KAZN: variants seen among roughly 807,000 people sequenced by gnomAD.
The protein encoded by KAZN is kazrin, periplakin interacting protein.
A neutral mutation model predicts 87.4 loss-of-function variants in KAZN; 40 were observed. The observed-to-expected ratio is 0.46, with a 90% CI of 0.36 to 0.60. The LOEUF is 0.60. Ranked by LOEUF, KAZN falls within the 20% of genes least tolerant of loss-of-function variation. The pLI is 0.00. For synonymous variants in KAZN, 466 were observed against 458.3 expected, an observed-to-expected ratio of 1.02 and a Z score of -0.22; for missense variants, 898 against 1,073.9, an observed-to-expected ratio of 0.84 and a Z score of 2.29.
intron 2 of KAZN, among the ~76,000 whole-genome samples, chr1:14,383,232 T>C (rs1257494594): frequency 6.6e-6 from 1 of 151,216 alleles, no homozygotes; most frequent in Non-Finnish European, 1.5e-5. Context: ...GTCAGATGAG[T>C]AGGTTGTGAA....
chr1:14,927,587 C>T lies in KAZN; in HGVS notation c.227-33097C>T, dbSNP rs1434644271. 5.9e-5 allele frequency among the ~76,000 whole-genome samples: 9 copies of T among 152,120 alleles called. No homozygotes were observed. The South Asian group carries it at 1.2e-3, about 21-fold the overall frequency. ...AGTTTCTAAGGCAAGAGGGTGTTGC[C>T]GATCAGCTAAAGGAACTAAGCCATT... On this transcript the variant is annotated intron_variant, in intron 1 of 14. Transcript: ENST00000376030.
intron 6 of KAZN, chr1:15,061,901 C>G (rs1638828445): frequency 6.6e-6 from 1 of 152,216 alleles, no homozygotes. Context: ...GTGACAAAGT[C>G]TATCTTGACT....
chr1:14,001,110 T>A (rs1639772620), intron 1 of KAZN, among the ~76,000 whole-genome samples: 1 of 152,154 alleles, frequency 6.6e-6, no homozygotes, highest in South Asian at 2.1e-4. Flanking sequence ...GAAAACCCCA[T>A]CATCTCAGCC....
chr1:14,714,329 A>G (rs184150491), intron 1 of KAZN, among the ~76,000 whole-genome samples: 7 of 152,246 alleles, frequency 4.6e-5, no homozygotes, highest in African/African-American at 1.4e-4. Context: ...CTTGTTCTCA[A>G]TTAGCTGGAT....
In KAZN at chr1:14,361,829, T is replaced by C. The variant is rs189847713; in HGVS notation, c.249+181237T>C. Among the ~76,000 whole-genome samples, 29 of 152,334 alleles carry C rather than the reference T, an allele frequency of 1.9e-4. 1 individual carries two copies. Among genetic ancestry groups the C allele is most frequent in the African/African-American group, 7.0e-4 (29 of 41,576 alleles). ...AGCTGCAGACCAGAGTTGTTCCTAT[T>C]CGGCCATCTTGAGTCATTTACCCGT... is the stretch of plus-strand genomic sequence containing the variant. On this transcript the variant is annotated intron_variant, in intron 2 of 16. Transcript: ENST00000636203.
intron 2 of KAZN, among the ~76,000 whole-genome samples, chr1:14,587,221 A>G (rs962216279): frequency 1.3e-5 from 2 of 152,100 alleles, no homozygotes; most frequent in African/African-American, 4.8e-5. Context: ...GGATCATCTG[A>G]TATCAGGAGT....
chr1:14,890,232 T>C (rs1654552088), intron 1 of KAZN, among the ~76,000 whole-genome samples: 1 of 152,204 alleles, frequency 6.6e-6, no homozygotes, highest in Admixed American at 6.5e-5. Flanking sequence ...GTCAAGGCAA[T>C]TGAAATTTCT....
At chr1:14,202,898 A>C (rs1646668773) in intron 2 of KAZN, among the ~76,000 whole-genome samples, 2 of 152,028 alleles carry the variant, frequency 1.3e-5, no homozygotes, top group South Asian at 4.1e-4. Context: ...GGCGCCTGTA[A>C]TCCCAGCTAC....
intron 2 of KAZN, among the ~76,000 whole-genome samples, chr1:14,329,947 T>G (rs887560505): frequency 4.6e-5 from 7 of 152,216 alleles, no homozygotes; most frequent in Non-Finnish European, 7.3e-5. Context: ...AAACATGCAA[T>G]AAATAATTCC....
At chr1:15,020,231 A>G (rs920670685) in intron 2 of KAZN, among the ~76,000 whole-genome samples, 2 of 152,242 alleles carry the variant, frequency 1.3e-5, no homozygotes, top group African/African-American at 4.8e-5. Flanking sequence ...AGGGCATTGC[A>G]TATACAAAAC....
At chr1:14,796,106 C>A (rs1463465787) in intron 1 of KAZN, among the ~76,000 whole-genome samples, 1 of 152,144 alleles carries the variant, frequency 6.6e-6, no homozygotes, top group Non-Finnish European at 1.5e-5. Flanking sequence ...TGGACTTGGC[C>A]CCTCCAGTCG....
chr1:14,997,459 C>T (rs1190281115), intron 2 of KAZN, among the ~76,000 whole-genome samples: 5 of 151,958 alleles, frequency 3.3e-5, no homozygotes, highest in Admixed American at 6.6e-5. Context: ...AGGCTGGTCT[C>T]GCACTCCCGA....
rs189865726 is a variant in KAZN at position 14,939,502 on chromosome 1, G to A, written c.227-21182G>A. On this transcript the variant is annotated intron_variant, in intron 1 of 14. Transcript: ENST00000376030. ...TTGCCCAGGCTGGTCTCGAACTCCT[G>A]GTCTCAAGTGATCCTCCCACCTCAG... Among the ~76,000 whole-genome samples the A allele has an allele frequency of 2.6e-4, 39 of 152,128 alleles. No homozygotes were observed. The East Asian group carries it at 5.0e-3, about 20-fold the overall frequency.
At chr1:14,937,108 C>T (rs1430078820) in intron 1 of KAZN, among the ~76,000 whole-genome samples, 2 of 152,314 alleles carry the variant, frequency 1.3e-5, no homozygotes, top group African/African-American at 4.8e-5. Flanking sequence ...CAGTGTGCAG[C>T]CCCTCTGGGC....
intron 2 of KAZN, among the ~76,000 whole-genome samples, chr1:14,509,480 C>T (rs555340889): frequency 3.2e-4 from 49 of 152,304 alleles, no homozygotes; most frequent in Non-Finnish European, 5.7e-4. Flanking sequence ...ATGGCCTTTA[C>T]GCATGTGAAG....
intron 2 of KAZN, among the ~76,000 whole-genome samples, chr1:14,994,989 T>C (rs1269879176): frequency 6.6e-6 from 1 of 152,234 alleles, no homozygotes; most frequent in Non-Finnish European, 1.5e-5. Flanking sequence ...GATGTAGTGC[T>C]TAGCAGCGGG....
In KAZN at chr1:14,126,071, A is replaced by T. The variant is rs577579397; in HGVS notation, c.92-54364A>T. Among the ~76,000 whole-genome samples, 10 of 152,280 alleles carry T rather than the reference A, an allele frequency of 6.6e-5. No individual in the cohort carries two copies. In the South Asian group the frequency reaches 2.1e-3, roughly 32 times the overall value. On this transcript the variant is annotated intron_variant, in intron 1 of 16. Coordinates refer to the KAZN transcript ENST00000636203. Reference sequence around the variant, plus strand: ...AGGTGTATTAAGCACTGAGGGTTTCAGACTAGCCAGTGACATGATCTGGTT... The same window carrying T: ...AGGTGTATTAAGCACTGAGGGTTTCTGACTAGCCAGTGACATGATCTGGTT...
At chr1:14,277,464 G>A (rs2100701953) in intron 2 of KAZN, among the ~76,000 whole-genome samples, 1 of 152,190 alleles carries the variant, frequency 6.6e-6, no homozygotes, top group African/African-American at 2.4e-5. Context: ...AAGAGATTGA[G>A]ACCATCCTGG....
At position 14,773,299 on chromosome 1, in the gene KAZN, C is replaced by T. The variant is rs1645073066; in HGVS notation, c.226+174076C>T. ...GTGGGACTGTGGCACACAGTGGTGGCCTGGCGTATGAGAAGACCACCCCCC... is the reference window on the plus strand; with the variant it reads ...GTGGGACTGTGGCACACAGTGGTGGTCTGGCGTATGAGAAGACCACCCCCC... On this transcript the variant is annotated intron_variant, in intron 1 of 14. Transcript: ENST00000376030. This position sits in a 1 kb window ranked among gnomAD's most constrained non-coding sequence, Gnocchi z 5.9. Among the ~76,000 whole-genome samples, 1 of 152,108 alleles carries T rather than the reference C, an allele frequency of 6.6e-6. No homozygotes were observed. Among genetic ancestry groups the T allele is most frequent in the South Asian group, 2.1e-4 (1 of 4,828 alleles).
Sources: allele counts gnomAD v4.1 joint callset (sites outside exome capture counted in the v4.1 genomes callset), GRCh38; gene constraint gnomAD v4.1.1; non-coding constraint Gnocchi (gnomAD v3.1); transcripts MANE v1.5; gene names NCBI Gene and HGNC (gene_info 2026-07-23, HGNC 2026-07-21).